SND1: variants seen among roughly 807,000 people sequenced by gnomAD.
SND1 encodes staphylococcal nuclease and tudor domain containing 1.
In SND1, 38 loss-of-function variants were observed where a neutral mutation model predicts 121.7. That is an observed-to-expected ratio of 0.31 (90% CI 0.24 to 0.41). The LOEUF (loss-of-function observed/expected upper bound fraction) is 0.41. SND1 is among the 10% of genes least tolerant of loss of function. The probability of loss-of-function intolerance (pLI) is 1.00; values close to 1 mark genes in which losing one functional copy is unlikely to be tolerated. For synonymous variants in SND1, 401 were observed against 447.4 expected, an observed-to-expected ratio of 0.90 and a Z score of 1.31; for missense variants, 868 against 1,184.6, an observed-to-expected ratio of 0.73 and a Z score of 3.92.
intron 16 of SND1, among the ~76,000 whole-genome samples, chr7:128,065,588 C>T (rs1285889474): frequency 1.3e-5 from 2 of 152,176 alleles, no homozygotes; most frequent in Non-Finnish European, 1.5e-5. Flanking sequence ...GATCATACAC[C>T]GATTTTCCCC....
chr7:127,996,630 A>G (rs533473069), intron 16 of SND1, among the ~76,000 whole-genome samples: 1 of 152,242 alleles, frequency 6.6e-6, no homozygotes, highest in African/African-American at 2.4e-5. Flanking sequence ...ATCCAGTGCA[A>G]CCTACTCTCC....
chr7:127,663,051 C>G (rs1373073561), intron 1 of SND1, among the ~76,000 whole-genome samples: 1 of 151,654 alleles, frequency 6.6e-6, no homozygotes, highest in South Asian at 2.1e-4. Context: ...CCACCACACC[C>G]GGCTAATAAA....
intron 2 of SND1, among the ~76,000 whole-genome samples, chr7:127,688,961 A>G (rs540562304): frequency 2.6e-5 from 4 of 152,230 alleles, no homozygotes; most frequent in African/African-American, 4.8e-5. Context: ...TAGTGAAGCA[A>G]TGGTATAGAT....
intron 14 of SND1, among the ~76,000 whole-genome samples, chr7:127,926,177 G>A (rs1223309298): frequency 6.6e-6 from 1 of 152,076 alleles, no homozygotes; most frequent in Non-Finnish European, 1.5e-5. Context: ...TTGAGCCACT[G>A]AAACAAATAT....
At chr7:127,969,175 G>C (rs1343747483) in intron 15 of SND1, among the ~76,000 whole-genome samples, 2 of 152,094 alleles carry the variant, frequency 1.3e-5, no homozygotes, top group African/African-American at 4.8e-5. Flanking sequence ...TGAGTCCTGA[G>C]GAAGAGGATT....
intron 15 of SND1, among the ~76,000 whole-genome samples, chr7:127,934,256 G>A (rs959380968): frequency 6.6e-6 from 1 of 152,176 alleles, no homozygotes. Flanking sequence ...TATCTGCATG[G>A]ATCTGGGCAA....
At chr7:127,663,377 CTT>C (rs71522252) in intron 1 of SND1, among the ~76,000 whole-genome samples, 23 of 142,930 alleles carry the variant, frequency 1.6e-4, no homozygotes, top group South Asian at 2.2e-4. Context: ...TACTGTACTT[CTT>C]TTTTTTTTTT....
At chr7:127,828,092 G>A (rs1289729648) in intron 11 of SND1, among the ~76,000 whole-genome samples, 1 of 152,118 alleles carries the variant, frequency 6.6e-6, no homozygotes, top group Admixed American at 6.5e-5. Flanking sequence ...TGCCTCACAG[G>A]TTCAAGTGAT....
At chr7:127,777,055 T>C (rs1243820357) in intron 10 of SND1, among the ~76,000 whole-genome samples, 1 of 152,238 alleles carries the variant, frequency 6.6e-6, no homozygotes, top group African/African-American at 2.4e-5. Context: ...TTTTAGTCAC[T>C]TGGGCCCTTT....
intron 11 of SND1, among the ~76,000 whole-genome samples, chr7:127,812,519 G>A (rs1473067454): frequency 2.0e-5 from 3 of 152,126 alleles, no homozygotes; most frequent in African/African-American, 7.2e-5. Context: ...CTCTTCATTC[G>A]CTTGGCATAG....
chr7:127,919,867 G>A (rs1800661786), intron 14 of SND1, among the ~76,000 whole-genome samples: 2 of 152,112 alleles, frequency 1.3e-5, no homozygotes, highest in South Asian at 4.1e-4. Flanking sequence ...TAAATTGGAT[G>A]TTTACGATTT....
intron 18 of SND1, among the ~76,000 whole-genome samples, chr7:128,082,145 A>G (rs957285061): frequency 3.3e-5 from 5 of 152,140 alleles, no homozygotes; most frequent in Admixed American, 3.3e-4. Flanking sequence ...AGGGCAGGAG[A>G]GAGCTCTGGC....
Position 127,839,725 on chromosome 7 carries a change from T to C in SND1, c.1243-4599T>C, listed in dbSNP as rs186033875. On this transcript the variant is annotated intron_variant, in intron 11 of 23. Coordinates refer to ENST00000354725, the MANE Select transcript of SND1 (RefSeq NM_014390.4). Reference sequence around the variant, plus strand: ...TTTCAAGGAAAATTCTATAATCTAATAGACGAAGGTTGCCTGCTACCCTCT... The same window carrying C: ...TTTCAAGGAAAATTCTATAATCTAACAGACGAAGGTTGCCTGCTACCCTCT... Among the ~76,000 whole-genome samples the C allele has an allele frequency of 1.4e-4, 21 of 152,320 alleles. No homozygotes were observed. The East Asian group carries it at 3.7e-3, about 27-fold the overall frequency.
intron 15 of SND1, among the ~76,000 whole-genome samples, chr7:127,964,306 GTTTTGGACA>G (rs1801805771): frequency 6.7e-6 from 1 of 148,326 alleles, no homozygotes; most frequent in Admixed American, 6.7e-5. Flanking sequence ...TGCTTTTGGT[GTTTTGGACA>G]TGAAGTCCTT....
chr7:128,060,405 T>C (rs183439763), intron 16 of SND1, among the ~76,000 whole-genome samples: 2 of 152,314 alleles, frequency 1.3e-5, no homozygotes, highest in East Asian at 1.9e-4. Context: ...CATGACACCA[T>C]TGAATATGCT....
At chr7:127,887,646 T>TTG (rs1038312487) in intron 12 of SND1, among the ~76,000 whole-genome samples, 16 of 151,974 alleles carry the variant, frequency 1.1e-4, no homozygotes, top group Admixed American at 8.5e-4. Flanking sequence ...CAGATTTTTT[T>TTG]TTTTTTGCTA....
At chr7:127,871,901 C>T (rs1031745261) in intron 12 of SND1, among the ~76,000 whole-genome samples, 3 of 152,074 alleles carry the variant, frequency 2.0e-5, no homozygotes, top group South Asian at 2.1e-4. Context: ...GAGGCCGAGG[C>T]AGGAAGAACT....
chr7:128,019,811 G>C (rs1563090476), intron 16 of SND1, among the ~76,000 whole-genome samples: 1 of 152,214 alleles, frequency 6.6e-6, no homozygotes, highest in Non-Finnish European at 1.5e-5. Context: ...TGAGATGGGA[G>C]GAAGAGGGGA....
At chr7:127,908,355 T>TGC (rs1186324471) in intron 14 of SND1, among the ~76,000 whole-genome samples, 2 of 141,604 alleles carry the variant, frequency 1.4e-5, no homozygotes, top group African/African-American at 5.2e-5. Flanking sequence ...TGTGTGTGTG[T>TGC]GTGTGCGTGC....
Sources: allele counts gnomAD v4.1 joint callset (sites outside exome capture counted in the v4.1 genomes callset), GRCh38; gene constraint gnomAD v4.1.1; transcripts MANE v1.5; gene names NCBI Gene and HGNC (gene_info 2026-07-23, HGNC 2026-07-21).